ERICH5: variants seen among roughly 807,000 people sequenced by gnomAD.
ERICH5 encodes glutamate-rich protein 5.
A neutral mutation model predicts 28.0 loss-of-function variants in ERICH5; 24 were observed. That is an observed-to-expected ratio of 0.86 (90% CI 0.62 to 1.21). The LOEUF (loss-of-function observed/expected upper bound fraction) is 1.21, where lower values mean the gene tolerates loss of function less well. Among genes scored for constraint, ERICH5 ranks in the 50% most tolerant of loss-of-function variants. The pLI is 0.00. For synonymous variants in ERICH5, 163 were observed against 157.6 expected, an observed-to-expected ratio of 1.03 and a Z score of -0.25; for missense variants, 421 against 441.2, an observed-to-expected ratio of 0.95 and a Z score of 0.41.
intron 2 of ERICH5, among the ~76,000 whole-genome samples, chr8:98,091,904 TC>T (rs1815405565): frequency 1.2e-5 from 1 of 81,588 alleles, no homozygotes; most frequent in African/African-American, 5.5e-5. Flanking sequence ...TTCTTTCCTT[TC>T]TTTCTTTCTT....
chr8:98,077,723 TTCTC>T (rs1449854686), intron 1 of ERICH5, among the ~76,000 whole-genome samples: 4 of 152,006 alleles, frequency 2.6e-5, no homozygotes, highest in African/African-American at 9.7e-5. Flanking sequence ...TTGTTTCTCT[TTCTC>T]TCTCTCTGTC....
chr8:98,077,090 C>T (rs1815068997), intron 1 of ERICH5, among the ~76,000 whole-genome samples: 1 of 139,734 alleles, frequency 7.2e-6, no homozygotes, highest in South Asian at 2.5e-4. Context: ...TAGCGAGGCC[C>T]TGTCTCTATT....
At chr8:98,077,963 T>C (rs1302961604) in intron 1 of ERICH5, among the ~76,000 whole-genome samples, 1 of 152,258 alleles carries the variant, frequency 6.6e-6, no homozygotes, top group Non-Finnish European at 1.5e-5. Flanking sequence ...ATTCTAGATA[T>C]GTAAATTCAG....
rs1491201140 is a variant in ERICH5 at position 98,091,879 on chromosome 8, T to TC, written c.1013-1341dup. Among the ~76,000 whole-genome samples, 210 of 94,746 alleles carry TC rather than the reference T, an allele frequency of 2.2e-3. 1 individual carries two copies. The highest frequency in any genetic ancestry group is 0.015 in the Middle Eastern group (3 of 198). 62.2% of individuals were successfully genotyped at this position (94,746 alleles called of 152,430 possible). ...TTCTTTCTTTCTTTCTTTCTTTCTT[T>TC]CTTTCTTTCTTTCTTTCTTTCCTTT... On this transcript the variant is annotated intron_variant, in intron 2 of 2. Coordinates refer to ENST00000318528, the MANE Select transcript of ERICH5 (RefSeq NM_173549.3).
intron 1 of ERICH5, among the ~76,000 whole-genome samples, chr8:98,067,569 C>A (rs1229428684): frequency 6.6e-6 from 1 of 151,802 alleles, no homozygotes; most frequent in Non-Finnish European, 1.5e-5. Flanking sequence ...CACCCACTAT[C>A]TAAAAACAAT....
chr8:98,065,983 C>A (rs544878402), intron 1 of ERICH5, among the ~76,000 whole-genome samples: 1 of 152,028 alleles, frequency 6.6e-6, no homozygotes, highest in Non-Finnish European at 1.5e-5. Flanking sequence ...TTCTAGTTTC[C>A]ATAGATAACG....
Position 98,084,360 on chromosome 8 carries a change from A to G in ERICH5, c.59-4716A>G, listed in dbSNP as rs189894681. 1.2e-3 allele frequency among the ~76,000 whole-genome samples: 180 copies of G among 152,048 alleles called. 1 individual carries two copies. The highest frequency in any genetic ancestry group is 1.9e-3 in the Non-Finnish European group (130 of 67,974). On this transcript the variant is annotated intron_variant, in intron 1 of 2. Transcript: ENST00000318528. ...ATTGACTTCTGTGTTGCCTGCCTCT[A>G]ATTCATTCTGCAGCGGGAGTATTTT...
At chr8:98,079,682 A>G (rs997981403) in intron 1 of ERICH5, among the ~76,000 whole-genome samples, 7 of 152,002 alleles carry the variant, frequency 4.6e-5, no homozygotes, top group East Asian at 1.9e-4. Context: ...TGGGATTACA[A>G]GCATCCACCA....
At position 98,073,486 on chromosome 8, in the gene ERICH5, GTATATATATATATATATATATATATATA is replaced by G. The variant is rs1474561796; in HGVS notation, c.58+8761_58+8788del. Among the ~76,000 whole-genome samples, 2 of 3,958 alleles carry G rather than the reference GTATATATATATATATATATATATATATA, an allele frequency of 5.1e-4. 1 individual carries two copies. The highest frequency in any genetic ancestry group is 0.01 in the Admixed American group (2 of 194). 2.6% of individuals were successfully genotyped at this position (3,958 alleles called of 152,430 possible). On this transcript the variant is annotated intron_variant, in intron 1 of 2. Transcript: ENST00000318528. Reference sequence around the variant, plus strand: ...TATATATATATATATATATATATATGTATATATATATATATATATATATATATATGTATATATATATATATATATATAT... The same window carrying G: ...TATATATATATATATATATATATATGTGTATATATATATATATATATATAT...
chr8:98,088,098 T>C (rs550515076), intron 1 of ERICH5, among the ~76,000 whole-genome samples: 137 of 144,800 alleles, frequency 9.5e-4, no homozygotes, highest in African/African-American at 3.2e-3. Context: ...GGAAGAATAT[T>C]GGGATTATAT....
At chr8:98,087,766 G>A (rs1322424454) in intron 1 of ERICH5, among the ~76,000 whole-genome samples, 1 of 152,098 alleles carries the variant, frequency 6.6e-6, no homozygotes, top group African/African-American at 2.4e-5. Flanking sequence ...CTAATCATGA[G>A]TGATTTCTAA....
intron 1 of ERICH5, among the ~76,000 whole-genome samples, chr8:98,079,231 C>T (rs977060064): frequency 8.1e-5 from 11 of 136,356 alleles, no homozygotes; most frequent in Admixed American, 3.3e-4. Context: ...AATGCAGTGG[C>T]GCAATCATGG....
intron 1 of ERICH5, among the ~76,000 whole-genome samples, chr8:98,081,782 G>C (rs1350759389): frequency 1.3e-5 from 2 of 152,106 alleles, no homozygotes; most frequent in Non-Finnish European, 2.9e-5. Context: ...TACAAAATTA[G>C]CCAGGCATGG....
At chr8:98,092,544 A>G (rs941423860) in intron 2 of ERICH5, among the ~76,000 whole-genome samples, 2 of 152,134 alleles carry the variant, frequency 1.3e-5, no homozygotes, top group Non-Finnish European at 2.9e-5. Flanking sequence ...GCCTCAAGTG[A>G]TCCTCTTGCC....
chr8:98,069,068 C>T (rs962139762), intron 1 of ERICH5, among the ~76,000 whole-genome samples: 27 of 152,288 alleles, frequency 1.8e-4, no homozygotes, highest in African/African-American at 6.3e-4. Flanking sequence ...GAAGAACAAA[C>T]ATCATAAACA....
intron 2 of ERICH5, among the ~76,000 whole-genome samples, chr8:98,091,645 A>G (rs951650367): frequency 6.6e-6 from 1 of 152,216 alleles, no homozygotes; most frequent in Admixed American, 6.5e-5. Flanking sequence ...AATGTTGCCA[A>G]AGCCAACTTC....
At chr8:98,078,877 A>G (rs1309824980) in intron 1 of ERICH5, among the ~76,000 whole-genome samples, 1 of 152,242 alleles carries the variant, frequency 6.6e-6, no homozygotes, top group Non-Finnish European at 1.5e-5. Context: ...AATATTTATT[A>G]TATAATAACG....
At chr8:98,086,967 A>G (rs1815293345) in intron 1 of ERICH5, among the ~76,000 whole-genome samples, 1 of 151,096 alleles carries the variant, frequency 6.6e-6, no homozygotes, top group African/African-American at 2.4e-5. Context: ...AAAAAAAAAA[A>G]GGAAATGTGA....
Position 98,075,785 on chromosome 8 carries a change from C to CTTTTTTTTTTTTTTTTTTTTTTTTTTTTT in ERICH5, c.58+11077_58+11078insTTTTTTTTTTTTTTTTTTTTTTTTTTTTT, listed in dbSNP as rs1296283210. On this transcript the variant is annotated intron_variant, in intron 1 of 2. Transcript: ENST00000318528. The stretch of plus-strand genomic sequence containing the variant: ...TAACTCCCATCTCAAGCACACCTGC[C>CTTTTTTTTTTTTTTTTTTTTTTTTTTTTT]TTTTTTTTTTTTTTTTTTTGAGACA... 1.6e-4 allele frequency among the ~76,000 whole-genome samples: 13 copies of CTTTTTTTTTTTTTTTTTTTTTTTTTTTTT among 81,644 alleles called. 2 individuals carry two copies. Among genetic ancestry groups the CTTTTTTTTTTTTTTTTTTTTTTTTTTTTT allele is most frequent in the African/African-American group, 6.0e-4 (13 of 21,714 alleles). The allele number at this position is 81,644 out of a possible 152,430, so 53.6% of individuals were successfully genotyped here.
Sources: gnomAD v4.1 joint callset for allele counts (sites outside exome capture counted in the v4.1 genomes callset) on GRCh38, gnomAD v4.1.1 for gene constraint, MANE v1.5 for transcripts, NCBI Gene and HGNC (gene_info 2026-07-23, HGNC 2026-07-21) for gene names.